COL22A1: variants seen among roughly 807,000 people sequenced by gnomAD.
COL22A1 encodes collagen alpha-1(XXII) chain.
Under a neutral mutation model 248.9 loss-of-function variants are expected in COL22A1, and 221 were observed. The ratio of observed to expected loss-of-function variants is 0.89; its 90% CI spans 0.80 to 0.99. The LOEUF is 0.99. COL22A1 is among the 50% of genes least tolerant of loss of function. The probability of loss-of-function intolerance (pLI) is 0.00; values close to 1 mark genes in which losing one functional copy is unlikely to be tolerated. For missense variants in COL22A1, 2,240 were observed against 2,179.0 expected, an observed-to-expected ratio of 1.03 and a Z score of -0.56; for synonymous variants, 891 against 793.4, an observed-to-expected ratio of 1.12 and a Z score of -2.07.
At chr8:138,762,177 C>T (rs1015372246) in intron 17 of COL22A1, among the ~76,000 whole-genome samples, 21 of 152,160 alleles carry the variant, frequency 1.4e-4, no homozygotes, top group African/African-American at 3.4e-4. Context: ...ATTATGATAA[C>T]GCACCACCTT....
Position 138,875,225 on chromosome 8 carries a change from G to C in COL22A1, c.658+2525C>G, listed in dbSNP as rs1243029788. Reference sequence around the variant, plus strand: ...ATTTGCTTTACCAAGACCAGTCATGGTGAAGCCCATGTTCTGGAGGCATGG... The same window carrying C: ...ATTTGCTTTACCAAGACCAGTCATGCTGAAGCCCATGTTCTGGAGGCATGG... On this transcript the variant is annotated intron_variant, in intron 3 of 64. Transcript: ENST00000303045. Among the ~76,000 whole-genome samples the C allele has an allele frequency of 2.0e-5, 3 of 152,154 alleles. No individual in the cohort carries two copies. The East Asian group carries it at 5.8e-4, about 29-fold the overall frequency.
At chr8:138,802,749 G>A in intron 11 of COL22A1, 123 bp downstream of exon 11, 1 of 762,208 alleles carries the variant, frequency 1.3e-6, no homozygotes, top group South Asian at 1.4e-5. Context: ...GGTGGTGTGG[G>A]AGTAGTGCCT....
intron 47 of COL22A1, among the ~76,000 whole-genome samples, chr8:138,640,063 A>C (rs867323082): frequency 1.6e-4 from 24 of 152,248 alleles, no homozygotes; most frequent in Admixed American, 1.5e-3. Flanking sequence ...TGGTTGTATC[A>C]GCTTGGCTAT....
rs62527943 is a variant in COL22A1, at chr8:138,698,395, C to T, written c.2592+1717G>A. Among the ~76,000 whole-genome samples, 982 of 152,300 alleles carry T rather than the reference C, an allele frequency of 6.4e-3. 7 individuals are homozygous for T. Among genetic ancestry groups the T allele is most frequent in the African/African-American group, 0.019 (790 of 41,558 alleles). Reference sequence around the variant, plus strand: ...CCCTAGCACCTCTGAGCTGCAGGACCGTCACCTGTAAGATGGACACAGGTG... The same window carrying T: ...CCCTAGCACCTCTGAGCTGCAGGACTGTCACCTGTAAGATGGACACAGGTG... On this transcript the variant is annotated intron_variant, in intron 32 of 64. Coordinates refer to ENST00000303045, the MANE Select transcript of COL22A1 (RefSeq NM_152888.3).
At chr8:138,884,963 C>T (rs1296917980) in intron 1 of COL22A1, among the ~76,000 whole-genome samples, 23 of 152,152 alleles carry the variant, frequency 1.5e-4, no homozygotes, top group Admixed American at 1.5e-3. Context: ...ACAGGCAAAT[C>T]AATTTCTAGG....
chr8:138,844,949 C>CA (rs56957004), intron 3 of COL22A1, among the ~76,000 whole-genome samples: 2,370 of 48,492 alleles, frequency 0.049, 82 homozygotes, highest in African/African-American at 0.12. Context: ...GACTCCATCT[C>CA]AAAAAAAAAA....
chr8:138,619,863 C>T (rs964862144), intron 52 of COL22A1: 1 of 275,878 alleles, frequency 3.6e-6, no homozygotes, highest in Non-Finnish European at 7.0e-6. Context: ...CATGTCAAGG[C>T]CGCTATTAAC....
intron 2 of COL22A1, among the ~76,000 whole-genome samples, 177 bp from the exon 3 acceptor site, chr8:138,878,493 A>C (rs1376043391): frequency 2.0e-5 from 3 of 152,098 alleles, no homozygotes; most frequent in Non-Finnish European, 2.9e-5. Flanking sequence ...CCACACCTTC[A>C]CATGGCAATA....
chr8:138,660,979 C>CACATACACACACAG (rs1554736319), intron 43 of COL22A1, among the ~76,000 whole-genome samples: 1 of 137,780 alleles, frequency 7.3e-6, no homozygotes, highest in African/African-American at 3.0e-5. Context: ...CACACATACA[C>CACATACACACACAG]ACACACATAC....
intron 10 of COL22A1, among the ~76,000 whole-genome samples, chr8:138,807,127 G>C (rs1369560311): frequency 6.6e-6 from 1 of 152,154 alleles, no homozygotes; most frequent in Non-Finnish European, 1.5e-5. Context: ...GAGAGAGACA[G>C]TGACACATAA....
chr8:138,618,577 A>T (rs1201563314), intron 53 of COL22A1, among the ~76,000 whole-genome samples: 3 of 152,208 alleles, frequency 2.0e-5, no homozygotes, highest in Non-Finnish European at 2.9e-5. Flanking sequence ...CATGTGAAAA[A>T]CAAGGGGATT....
chr8:138,787,031 G>A (rs1331469311), intron 12 of COL22A1, among the ~76,000 whole-genome samples: 1 of 152,196 alleles, frequency 6.6e-6, no homozygotes, highest in Admixed American at 6.5e-5. Flanking sequence ...AGGTTTACAG[G>A]CTTTCAGATG....
intron 7 of COL22A1, among the ~76,000 whole-genome samples, chr8:138,820,713 T>C (rs1339019102): frequency 1.3e-5 from 2 of 152,158 alleles, no homozygotes; most frequent in African/African-American, 4.8e-5. Context: ...CCTGCATATA[T>C]ATATTCATAT....
intron 12 of COL22A1, among the ~76,000 whole-genome samples, chr8:138,781,592 T>A (rs1253550640): frequency 6.6e-6 from 1 of 152,170 alleles, no homozygotes; most frequent in Admixed American, 6.5e-5. Context: ...CAGACACACA[T>A]GACATGAATA....
chr8:138,833,175 T>A (rs940757420), intron 4 of COL22A1, 25 bp from the exon 5 acceptor site: 2 of 1,522,258 alleles, frequency 1.3e-6, no homozygotes, highest in Non-Finnish European at 1.8e-6. Flanking sequence ...GAGCTGGGAG[T>A]GAGTTTGGAG....
At chr8:138,805,932 CTG>C (rs200340398) in intron 10 of COL22A1, among the ~76,000 whole-genome samples, 2,729 of 112,530 alleles carry the variant, frequency 0.024, 59 homozygotes, top group African/African-American at 0.082. Flanking sequence ...CGGTGTGTGA[CTG>C]TGTGTGTGAT....
chr8:138,658,671 A>G (rs965087383), intron 44 of COL22A1, among the ~76,000 whole-genome samples: 3 of 152,066 alleles, frequency 2.0e-5, no homozygotes, highest in African/African-American at 7.2e-5. Flanking sequence ...AATCTGTATC[A>G]TTTTACTGTA....
chr8:138,805,122 T>C (rs1489004528), intron 10 of COL22A1, among the ~76,000 whole-genome samples: 2 of 126,658 alleles, frequency 1.6e-5, no homozygotes, highest in African/African-American at 7.0e-5. Flanking sequence ...TGATGGTGTA[T>C]GTATGTGTGA....
intron 22 of COL22A1, among the ~76,000 whole-genome samples, chr8:138,737,908 G>A (rs1211858926): frequency 6.6e-6 from 1 of 151,902 alleles, no homozygotes; most frequent in Admixed American, 6.6e-5. Flanking sequence ...CCTTTCCTTG[G>A]AAACAACTAA....
Sources: gnomAD v4.1 joint callset for allele counts (sites outside exome capture counted in the v4.1 genomes callset) on GRCh38, gnomAD v4.1.1 for gene constraint, MANE v1.5 for transcripts, NCBI Gene and HGNC (gene_info 2026-07-23, HGNC 2026-07-21) for gene names.